ARHGAP42: variants seen among roughly 807,000 people sequenced by gnomAD.
ARHGAP42 encodes the protein rho GTPase-activating protein 42.
Under a neutral mutation model 125.0 loss-of-function variants are expected in ARHGAP42, and 63 were observed. That is an observed-to-expected ratio of 0.50 (90% CI 0.41 to 0.62). The LOEUF is 0.62. Among genes scored for constraint, ARHGAP42 ranks in the 20% least tolerant of loss-of-function variants. The pLI, the probability that ARHGAP42 is intolerant of heterozygous loss-of-function variation, is 0.00. For missense variants in ARHGAP42, 766 were observed against 1,024.2 expected (o/e 0.75, Z 3.44); for synonymous variants, 339 against 351.0 (o/e 0.97, Z 0.38).
At chr11:100,936,365 A>T (rs928695118) in intron 8 of ARHGAP42, 33 bp downstream of exon 8, 4 of 1,550,958 alleles carry the variant, frequency 2.6e-6, no homozygotes, top group Non-Finnish European at 3.5e-6. Flanking sequence ...CACGTCTCTT[A>T]TGACTTAGCC....
intron 6 of ARHGAP42, among the ~76,000 whole-genome samples, chr11:100,923,195 A>G (rs1411591351): frequency 1.3e-5 from 2 of 152,090 alleles, no homozygotes; most frequent in African/African-American, 4.8e-5. Flanking sequence ...GAATCCCACC[A>G]TGGTTTTTGA....
intron 4 of ARHGAP42, among the ~76,000 whole-genome samples, chr11:100,904,146 G>A (rs1866653783): frequency 6.6e-6 from 1 of 151,914 alleles, no homozygotes; most frequent in Non-Finnish European, 1.5e-5. Context: ...AACCATCTCA[G>A]ATGCTGTCAT....
At chr11:100,759,268 A>G (rs767169854) in intron 1 of ARHGAP42, among the ~76,000 whole-genome samples, 2 of 151,992 alleles carry the variant, frequency 1.3e-5, no homozygotes, top group South Asian at 2.1e-4. Context: ...TGATGTCCAT[A>G]TCTTAAGTCT....
At chr11:100,729,324 TATTA>T (rs1861916061) in intron 1 of ARHGAP42, among the ~76,000 whole-genome samples, 1 of 151,834 alleles carries the variant, frequency 6.6e-6, no homozygotes. Context: ...TATTAATTTA[TATTA>T]ATTAATATAT....
chr11:100,760,190 T>C (rs1374545289), intron 1 of ARHGAP42, among the ~76,000 whole-genome samples: 3 of 152,216 alleles, frequency 2.0e-5, no homozygotes, highest in African/African-American at 7.2e-5. Context: ...CCTCTCTATT[T>C]GAAGACGTTT....
At chr11:100,704,410 G>A (rs1416193446) in intron 1 of ARHGAP42, among the ~76,000 whole-genome samples, 3 of 152,156 alleles carry the variant, frequency 2.0e-5, no homozygotes, top group East Asian at 3.9e-4. Context: ...GAAAGAGAAT[G>A]CAGATCCTGA....
intron 3 of ARHGAP42, among the ~76,000 whole-genome samples, chr11:100,830,287 A>G (rs1864634285): frequency 6.6e-6 from 1 of 152,218 alleles, no homozygotes; most frequent in Non-Finnish European, 1.5e-5. Context: ...CTCAGTAAGT[A>G]AAAATACCAA....
chr11:100,713,808 T>A (rs1861604188), intron 1 of ARHGAP42, among the ~76,000 whole-genome samples: 1 of 152,226 alleles, frequency 6.6e-6, no homozygotes, highest in Non-Finnish European at 1.5e-5. Flanking sequence ...TGTGGCCTGC[T>A]GTATTCATTG....
chr11:100,960,604 G>A (rs1266725044), intron 13 of ARHGAP42, among the ~76,000 whole-genome samples: 2 of 152,124 alleles, frequency 1.3e-5, no homozygotes, highest in East Asian at 3.9e-4. Flanking sequence ...CCATGACTCT[G>A]AAGAAATAGA....
intron 3 of ARHGAP42, among the ~76,000 whole-genome samples, chr11:100,817,118 C>T (rs561013604): frequency 1.3e-5 from 2 of 152,290 alleles, no homozygotes; most frequent in South Asian, 4.1e-4. Flanking sequence ...GGGGGTTTCT[C>T]CACCCAGCAC....
chr11:100,767,707 G>A (rs902734570), intron 1 of ARHGAP42, among the ~76,000 whole-genome samples: 5 of 152,092 alleles, frequency 3.3e-5, no homozygotes, highest in Non-Finnish European at 7.4e-5. Context: ...CAAGCATCTT[G>A]ATCTGCCCTT....
At chr11:100,987,320 A>G (rs931920728) in intron 22 of ARHGAP42, among the ~76,000 whole-genome samples, 193 bp from the exon 23 acceptor site, 1 of 152,212 alleles carries the variant, frequency 6.6e-6, no homozygotes, top group Non-Finnish European at 1.5e-5. Flanking sequence ...TGTGCTAGTA[A>G]TCCTTGATTT....
intron 1 of ARHGAP42, among the ~76,000 whole-genome samples, chr11:100,725,984 G>C (rs1019167579): frequency 1.4e-5 from 2 of 147,358 alleles, no homozygotes; most frequent in East Asian, 4.0e-4. Context: ...TGTAGTCCCA[G>C]CTACTTGGAA....
chr11:100,816,322 T>A (rs910569817), intron 3 of ARHGAP42, among the ~76,000 whole-genome samples: 3 of 147,564 alleles, frequency 2.0e-5, no homozygotes, highest in African/African-American at 7.9e-5. Context: ...TGTTTTTTTG[T>A]TTTTTTTTGA....
intron 1 of ARHGAP42, among the ~76,000 whole-genome samples, chr11:100,752,046 C>T (rs988189323): frequency 6.6e-6 from 1 of 152,074 alleles, no homozygotes; most frequent in African/African-American, 2.4e-5. Context: ...TCCCAAAGTG[C>T]TGGGATTACA....
chr11:100,977,272 C>T (rs1306035855), intron 21 of ARHGAP42, among the ~76,000 whole-genome samples: 1 of 152,144 alleles, frequency 6.6e-6, no homozygotes, highest in Non-Finnish European at 1.5e-5. Context: ...AGCTTTGGAA[C>T]TAAAAGTGTT....
At chr11:100,970,140 C>A (rs1858201148) in intron 17 of ARHGAP42, among the ~76,000 whole-genome samples, 3 of 152,048 alleles carry the variant, frequency 2.0e-5, no homozygotes, top group Admixed American at 2.0e-4. Context: ...AGGCACTCAC[C>A]ACCACACCCG....
chr11:100,723,002 T>G (rs1189583524), intron 1 of ARHGAP42, among the ~76,000 whole-genome samples: 1 of 152,178 alleles, frequency 6.6e-6, no homozygotes, highest in Non-Finnish European at 1.5e-5. Context: ...ATATCTAGAT[T>G]TATTATTTTG....
chr11:100,719,744 C>T (rs1045808233), intron 1 of ARHGAP42, among the ~76,000 whole-genome samples: 2 of 152,076 alleles, frequency 1.3e-5, no homozygotes, highest in African/African-American at 4.8e-5. Flanking sequence ...TTGGCTATAC[C>T]GGCTCTTCCT....
Sources: gnomAD v4.1 joint callset for allele counts (sites outside exome capture counted in the v4.1 genomes callset) on GRCh38, gnomAD v4.1.1 for gene constraint, MANE v1.5 for transcripts, NCBI Gene and HGNC (gene_info 2026-07-23, HGNC 2026-07-21) for gene names.